Variants in CROT observed in about 807,000 individuals in gnomAD.
CROT encodes carnitine O-octanoyltransferase.
A neutral mutation model predicts 89.2 loss-of-function variants in CROT; 84 were observed. The observed-to-expected ratio is 0.94, with a 90% CI of 0.79 to 1.13. The LOEUF (loss-of-function observed/expected upper bound fraction) is 1.13, where lower values mean the gene tolerates loss of function less well. Ranked by LOEUF, CROT falls within the 50% of genes most tolerant of loss-of-function variation. The pLI, the probability that CROT is intolerant of heterozygous loss-of-function variation, is 0.00. For missense variants in CROT, 711 were observed against 727.8 expected (o/e 0.98, Z 0.27); for synonymous variants, 212 against 239.5 (o/e 0.89, Z 1.06).
intron 3 of CROT, among the ~76,000 whole-genome samples, chr7:87,350,528 C>T (rs1805833045): frequency 6.6e-6 from 1 of 151,682 alleles, no homozygotes; most frequent in South Asian, 2.1e-4. Context: ...CTATGGTGGG[C>T]CTTGACTATT....
intron 7 of CROT, 59 bp downstream of exon 7, chr7:87,369,543 A>G: frequency 9.2e-7 from 1 of 1,090,966 alleles, no homozygotes; most frequent in South Asian, 1.8e-5. Flanking sequence ...GAATTAAAAT[A>G]TACATGTTTA....
Position 87,391,699 on chromosome 7 carries a change from A to T in CROT, c.1412A>T (p.Asp471Val), listed in dbSNP as rs1807365566. The T allele has an allele frequency of 1.9e-6, 3 of 1,609,048 alleles. No individual in the cohort carries two copies. The highest frequency in any genetic ancestry group is 1.3e-5 in the African/African-American group (1 of 74,630). ...EAVRWCQSMQDPSVNLRERQQ... is the reference protein window; with the variant it reads ...EAVRWCQSMQVPSVNLRERQQ... ...GTGAGGTGGTGCCAGTCCATGCAGGATCCTTCTGTCAATGTGAGTATTGGA... is the reference window on the plus strand; with the variant it reads ...GTGAGGTGGTGCCAGTCCATGCAGGTTCCTTCTGTCAATGTGAGTATTGGA... The change falls in exon 14 of 18, where the codon GAT becomes GTT. Residue 471 changes from aspartate to valine, a missense_variant. Transcript: ENST00000331536.
chr7:87,387,739 G>T (rs1441748125), intron 13 of CROT, among the ~76,000 whole-genome samples: 2 of 152,140 alleles, frequency 1.3e-5, no homozygotes, highest in African/African-American at 2.4e-5. Context: ...ATCACTTGAG[G>T]TCAGGAGTTC....
chr7:87,351,530 A>G (rs1253719858), intron 3 of CROT, among the ~76,000 whole-genome samples: 1 of 150,384 alleles, frequency 6.6e-6, no homozygotes, highest in Non-Finnish European at 1.5e-5. Context: ...CTAATATTAT[A>G]ATAGATCAAG....
chr7:87,366,680 T>C (rs1806459557), intron 6 of CROT, among the ~76,000 whole-genome samples: 1 of 152,216 alleles, frequency 6.6e-6, no homozygotes, highest in Non-Finnish European at 1.5e-5. Context: ...CACTTCTTTC[T>C]GGTTCTTCAC....
At position 87,392,292 on chromosome 7, in the gene CROT, G is replaced by C. The variant is rs544658168; in HGVS notation, c.1426-274G>C. 1.1e-4 allele frequency among the ~76,000 whole-genome samples: 17 copies of C among 152,084 alleles called. No homozygotes were observed. The South Asian group carries it at 3.1e-3, about 28-fold the overall frequency. On this transcript the variant is annotated intron_variant, in intron 14 of 17. Coordinates refer to ENST00000331536, the MANE Select transcript of CROT (RefSeq NM_021151.4). ...GTTATGCTTTCATTTTTGAAATATC[G>C]GTTGCTTTTATCTTTATACTTGTTA...
chr7:87,381,150 T>G (rs1161788557), intron 10 of CROT, among the ~76,000 whole-genome samples: 1 of 152,216 alleles, frequency 6.6e-6, no homozygotes, highest in East Asian at 1.9e-4. Flanking sequence ...CCTCCCAAGC[T>G]CGCAGTGTCA....
rs1408748301 is a variant in CROT, at chr7:87,371,980, C to G, written c.656+2496C>G. Among the ~76,000 whole-genome samples the G allele has an allele frequency of 4.4e-5, 5 of 114,432 alleles. No individual in the cohort carries two copies. The East Asian group carries it at 1.2e-3, about 28-fold the overall frequency. 75.1% of individuals were successfully genotyped at this position (114,432 alleles called of 152,430 possible). A position where few individuals can be genotyped will look rare whatever the true frequency, so the allele number is the denominator to read the frequency against. On this transcript the variant is annotated intron_variant, in intron 7 of 17. Transcript: ENST00000331536. ...CTGCACTCCAGCCTGGGTGACAGAG[C>G]AAGACGCTGTCTCAAAAAAAAAAAA...
chr7:87,390,324 G>T (rs189669264), intron 13 of CROT, among the ~76,000 whole-genome samples: 1 of 152,054 alleles, frequency 6.6e-6, no homozygotes. Flanking sequence ...TTTACCTAAC[G>T]TTTCAGTAGT....
At chr7:87,378,480 G>A (rs1806881786) in intron 10 of CROT, among the ~76,000 whole-genome samples, 1 of 152,146 alleles carries the variant, frequency 6.6e-6, no homozygotes, top group African/African-American at 2.4e-5. Context: ...GGGTAAAGCT[G>A]ACTTCAATGT....
intron 3 of CROT, among the ~76,000 whole-genome samples, chr7:87,350,684 G>C (rs1805838963): frequency 6.6e-6 from 1 of 152,178 alleles, no homozygotes; most frequent in Non-Finnish European, 1.5e-5. Context: ...CAAGGAGAAG[G>C]ATGAGCATGC....
chr7:87,377,102 A>G (rs1806833042), intron 9 of CROT, among the ~76,000 whole-genome samples: 1 of 152,144 alleles, frequency 6.6e-6, no homozygotes, highest in Admixed American at 6.5e-5. Flanking sequence ...ATATTGTACC[A>G]GCATTTTCTT....
At chr7:87,392,482 T>C in intron 14 of CROT, 84 bp from the exon 15 acceptor site, 1 of 1,015,636 alleles carries the variant, frequency 9.8e-7, no homozygotes, top group Non-Finnish European at 1.5e-6. Flanking sequence ...ATTACCCCAA[T>C]CCTAATTACA....
chr7:87,349,012 G>T, intron 2 of CROT, 36 bp from the exon 3 acceptor site: 1 of 890,044 alleles, frequency 1.1e-6, no homozygotes, highest in South Asian at 1.6e-5. Context: ...CTATCTATGA[G>T]ATTGAAGTTG....
intron 17 of CROT, 116 bp downstream of exon 17, chr7:87,393,183 T>C: frequency 1.7e-6 from 2 of 1,144,086 alleles, no homozygotes; most frequent in South Asian, 3.2e-5. Context: ...ACTTGCTACA[T>C]AAGTAACTAT....
At chr7:87,362,947 T>A (rs1415625022) in intron 6 of CROT, among the ~76,000 whole-genome samples, 1 of 152,176 alleles carries the variant, frequency 6.6e-6, no homozygotes, top group African/African-American at 2.4e-5. Flanking sequence ...ACCTTGATGT[T>A]ACCAGTGAAA....
intron 9 of CROT, 63 bp from the exon 10 acceptor site, chr7:87,377,286 G>C: frequency 5.1e-6 from 5 of 971,732 alleles, no homozygotes; most frequent in Non-Finnish European, 7.9e-6. Flanking sequence ...ATGTGTTTAA[G>C]ATGTAAATTC....
intron 3 of CROT, among the ~76,000 whole-genome samples, chr7:87,349,957 T>C (rs1343010573): frequency 6.6e-6 from 1 of 152,180 alleles, no homozygotes; most frequent in East Asian, 1.9e-4. Flanking sequence ...CTTGCTTGCA[T>C]GATATCCCAA....
intron 13 of CROT, among the ~76,000 whole-genome samples, chr7:87,388,921 A>C (rs917930355): frequency 2.6e-5 from 4 of 152,196 alleles, no homozygotes; most frequent in African/African-American, 4.8e-5. Flanking sequence ...AACTTAAACA[A>C]ATTTACAAGA....
Sources: gnomAD v4.1 joint callset for allele counts (sites outside exome capture counted in the v4.1 genomes callset) on GRCh38, gnomAD v4.1.1 for gene constraint, MANE v1.5 for transcripts, NCBI Gene and HGNC (gene_info 2026-07-23, HGNC 2026-07-21) for gene names.